KCNT2: variants seen among roughly 807,000 people sequenced by gnomAD.
KCNT2 encodes the protein potassium channel subfamily T member 2.
KCNT2 carries 67 observed loss-of-function variants against 153.8 expected under a neutral mutation model. The observed-to-expected ratio is 0.44, with a 90% CI of 0.36 to 0.53. The LOEUF is 0.53. KCNT2 is among the 20% of genes least tolerant of loss of function. KCNT2 has a pLI of 0.00. For synonymous variants in KCNT2, 500 were observed against 458.8 expected (o/e 1.09, Z -1.15); for missense variants, 975 against 1,354.8 (o/e 0.72, Z 4.40).
chr1:196,286,617 T>TCACACACACA (rs548240607), intron 22 of KCNT2, among the ~76,000 whole-genome samples: 3 of 143,178 alleles, frequency 2.1e-5, no homozygotes, highest in African/African-American at 8.5e-5. Flanking sequence ...CTTCTGTATA[T>TCACACACACA]CACACACACA....
chr1:196,579,507 T>G (rs1055395420), intron 1 of KCNT2, among the ~76,000 whole-genome samples: 21 of 152,182 alleles, frequency 1.4e-4, no homozygotes, highest in African/African-American at 4.8e-4. Context: ...AAATTCTTTT[T>G]TTTTGAGATG....
At chr1:196,463,578 CT>C (rs1164004137) in intron 8 of KCNT2, among the ~76,000 whole-genome samples, 1 of 151,588 alleles carries the variant, frequency 6.6e-6, no homozygotes. Flanking sequence ...AAAACCACTA[CT>C]CGGTTATTTA....
intron 1 of KCNT2, among the ~76,000 whole-genome samples, chr1:196,598,824 A>G (rs1664386047): frequency 6.6e-6 from 1 of 152,220 alleles, no homozygotes; most frequent in South Asian, 2.1e-4. Flanking sequence ...AGTAATACGT[A>G]ATACATGTAA....
chr1:196,269,652 CT>C (rs1198663010), intron 25 of KCNT2, among the ~76,000 whole-genome samples: 1 of 151,894 alleles, frequency 6.6e-6, no homozygotes, highest in Non-Finnish European at 1.5e-5. Flanking sequence ...TTACTACAGC[CT>C]TTTTTTCCCC....
chr1:196,509,319 A>C (rs1210095932), intron 1 of KCNT2, among the ~76,000 whole-genome samples: 1 of 151,556 alleles, frequency 6.6e-6, no homozygotes, highest in Admixed American at 6.6e-5. Context: ...AGCAAATTTA[A>C]ATATGAAACA....
chr1:196,450,676 C>G (rs1676080819), intron 8 of KCNT2, among the ~76,000 whole-genome samples: 1 of 151,840 alleles, frequency 6.6e-6, no homozygotes, highest in Non-Finnish European at 1.5e-5. Context: ...TGCTACCATT[C>G]TAGGTCAAGA....
At chr1:196,484,717 G>A (rs564385085) in intron 3 of KCNT2, among the ~76,000 whole-genome samples, 2 of 152,174 alleles carry the variant, frequency 1.3e-5, no homozygotes, top group South Asian at 4.2e-4. Context: ...GTATAAGGAA[G>A]GGGTCCAGTT....
intron 5 of KCNT2, among the ~76,000 whole-genome samples, chr1:196,474,957 T>C (rs986328433): frequency 6.6e-6 from 1 of 152,198 alleles, no homozygotes; most frequent in Admixed American, 6.5e-5. Flanking sequence ...TTAATAGTTC[T>C]AGGTAATTTC....
At chr1:196,398,793 T>C in intron 12 of KCNT2, 122 bp from the exon 13 acceptor site, 1 of 530,128 alleles carries the variant, frequency 1.9e-6, no homozygotes, top group Non-Finnish European at 3.4e-6. Flanking sequence ...TAAAAATTAC[T>C]CTGAGGACTT....
At chr1:196,280,537 C>T in intron 25 of KCNT2, among the ~76,000 whole-genome samples, 1 of 152,092 alleles carries the variant, frequency 6.6e-6, no homozygotes, top group East Asian at 1.9e-4. Context: ...TCTTATGTGT[C>T]AGAACCTCAA....
chr1:196,436,154 C>T (rs546489842), intron 8 of KCNT2, among the ~76,000 whole-genome samples: 4 of 151,104 alleles, frequency 2.6e-5, no homozygotes, highest in African/African-American at 9.7e-5. Flanking sequence ...TTTCTGATAC[C>T]CATTATAGAG....
At chr1:196,246,957 A>G (rs983418956) in intron 26 of KCNT2, among the ~76,000 whole-genome samples, 2 of 152,154 alleles carry the variant, frequency 1.3e-5, no homozygotes, top group African/African-American at 2.4e-5. Flanking sequence ...TTGAATGTAA[A>G]TTGACTAAAC....
At chr1:196,438,812 T>A (rs1286955526) in intron 8 of KCNT2, among the ~76,000 whole-genome samples, 1 of 151,864 alleles carries the variant, frequency 6.6e-6, no homozygotes, top group East Asian at 1.9e-4. Context: ...CTAAGTTATG[T>A]AACTAATATC....
rs576010933 is a variant in KCNT2 at position 196,284,730 on chromosome 1, T to A, written c.2697+927A>T. Among the ~76,000 whole-genome samples, 3 of 152,270 alleles carry A rather than the reference T, an allele frequency of 2.0e-5. No homozygotes were observed. The South Asian group carries it at 6.2e-4, about 32-fold the overall frequency. ...TAATAGGGGTATTTATTCTACTTTG[T>A]TGTGTTTGCTCCAGCTCTCATCTGA... On this transcript the variant is annotated intron_variant, in intron 23 of 27. Coordinates refer to ENST00000294725, the MANE Select transcript of KCNT2 (RefSeq NM_198503.5).
At chr1:196,552,661 A>C (rs1445277537) in intron 1 of KCNT2, among the ~76,000 whole-genome samples, 1 of 151,536 alleles carries the variant, frequency 6.6e-6, no homozygotes, top group Non-Finnish European at 1.5e-5. Flanking sequence ...ACTATGCTTG[A>C]CTTAGGCAGA....
intron 26 of KCNT2, among the ~76,000 whole-genome samples, chr1:196,243,665 G>GAACT (rs1655162883): frequency 6.6e-6 from 1 of 152,202 alleles, no homozygotes; most frequent in African/African-American, 2.4e-5. Context: ...AGCCAGAGAA[G>GAACT]AACTGCCTAT....
chr1:196,411,511 C>CTTTCCAT (rs1310399782), intron 12 of KCNT2, among the ~76,000 whole-genome samples: 1 of 141,812 alleles, frequency 7.1e-6, no homozygotes, highest in Admixed American at 7.2e-5. Context: ...CACAGGATGT[C>CTTTCCAT]TTTCCATTTT....
In KCNT2 at chr1:196,243,761, C is replaced by T. The variant is rs536253646; in HGVS notation, c.3212-7691G>A. On this transcript the variant is annotated intron_variant, in intron 26 of 27. Transcript: ENST00000294725. ...GTTCTAAATAAACTTGAAAGGATGT[C>T]TAGGCCATAAGGACTGAAATTCTTG... 4.6e-5 allele frequency among the ~76,000 whole-genome samples: 7 copies of T among 152,260 alleles called. No homozygotes were observed. In the South Asian group the frequency reaches 1.5e-3, roughly 32 times the overall value.
intron 1 of KCNT2, among the ~76,000 whole-genome samples, chr1:196,510,446 A>G (rs559726758): frequency 5.3e-4 from 80 of 152,270 alleles, no homozygotes; most frequent in Admixed American, 2.7e-3. Context: ...TATTATACAC[A>G]TCAAATTTAC....
Sources: allele counts gnomAD v4.1 joint callset (sites outside exome capture counted in the v4.1 genomes callset), GRCh38; gene constraint gnomAD v4.1.1; transcripts MANE v1.5; gene names NCBI Gene and HGNC (gene_info 2026-07-23, HGNC 2026-07-21).